The following FIGN variants were observed in gnomAD, a reference collection of about 807,000 sequenced individuals.
The protein encoded by FIGN is fidgetin, microtubule severing factor.
FIGN carries 11 observed loss-of-function variants against 51.3 expected under a neutral mutation model. That is an observed-to-expected ratio of 0.21 (90% confidence interval 0.13 to 0.35). The LOEUF (loss-of-function observed/expected upper bound fraction) is 0.35, where lower values mean the gene tolerates loss of function less well. Ranked by LOEUF, FIGN falls within the 10% of genes least tolerant of loss-of-function variation. The probability of loss-of-function intolerance (pLI) is 1.00; values close to 1 mark genes in which losing one functional copy is unlikely to be tolerated. For missense variants in FIGN, 857 were observed against 943.6 expected (o/e 0.91, Z 1.20); for synonymous variants, 407 against 363.2 (o/e 1.12, Z -1.37).
Position 163,614,518 on chromosome 2 carries a change from T to C in FIGN, c.26-2712A>G, listed in dbSNP as rs186033966. ...GGGAATTTCTATTATGGTTCTTTTC[T>C]TTAAAATATTATCAAAATACAGAGT... On this transcript the variant is annotated intron_variant, in intron 2 of 2. Transcript: ENST00000333129. Among the ~76,000 whole-genome samples the C allele has an allele frequency of 1.4e-4, 22 of 152,242 alleles. No individual in the cohort carries two copies. The East Asian group carries it at 3.1e-3, about 21-fold the overall frequency.
intron 2 of FIGN, among the ~76,000 whole-genome samples, chr2:163,675,026 G>A (rs1271595231): frequency 7.9e-5 from 12 of 152,170 alleles, no homozygotes; most frequent in Non-Finnish European, 1.6e-4. Flanking sequence ...TCACATTTAA[G>A]TCTTTATCTA....
intron 2 of FIGN, among the ~76,000 whole-genome samples, chr2:163,700,315 C>T (rs1487812697): frequency 1.3e-5 from 2 of 152,046 alleles, no homozygotes; most frequent in Non-Finnish European, 2.9e-5. Context: ...ATTTGGAAGG[C>T]TGTTAAGGGT....
intron 2 of FIGN, among the ~76,000 whole-genome samples, chr2:163,729,510 C>T (rs1467278267): frequency 6.6e-6 from 1 of 152,050 alleles, no homozygotes; most frequent in African/African-American, 2.4e-5. Context: ...TTAAAAGCTC[C>T]TCTTCCTATG....
In FIGN at chr2:163,694,126, T is replaced by G. The variant is rs1684279593; in HGVS notation, c.25+40777A>C. Among the ~76,000 whole-genome samples the G allele has an allele frequency of 2.0e-5, 3 of 152,266 alleles. No individual in the cohort carries two copies. The South Asian group carries it at 6.2e-4, about 32-fold the overall frequency. ...TCTGTAGGTCTAGGTTTGGTGGAGC[T>G]TTTTATTCTGATAGTGGAAGGAACT... On this transcript the variant is annotated intron_variant, in intron 2 of 2. Coordinates refer to ENST00000333129, the MANE Select transcript of FIGN (RefSeq NM_018086.4).
In FIGN at chr2:163,650,810, A is replaced by G. The variant is rs548175497; in HGVS notation, c.26-39004T>C. On this transcript the variant is annotated intron_variant, in intron 2 of 2. Transcript: ENST00000333129. ...GATACTACAGGGCTTTCCTGTGAACAATGTTCATGAGATTTAGTACATGTG... is the reference window on the plus strand; with the variant it reads ...GATACTACAGGGCTTTCCTGTGAACGATGTTCATGAGATTTAGTACATGTG... 3.9e-5 allele frequency among the ~76,000 whole-genome samples: 6 copies of G among 152,334 alleles called. No homozygotes were observed. The South Asian group carries it at 1.2e-3, about 32-fold the overall frequency.
chr2:163,638,567 G>T (rs923020193), intron 2 of FIGN, among the ~76,000 whole-genome samples: 3 of 152,102 alleles, frequency 2.0e-5, no homozygotes, highest in Non-Finnish European at 1.5e-5. Flanking sequence ...TAGAATGAAA[G>T]CATACACAGG....
intron 2 of FIGN, among the ~76,000 whole-genome samples, chr2:163,697,441 G>A (rs12692707): frequency 1 from 151,860 of 152,232 alleles, 75,752 homozygotes; most frequent in Middle Eastern, 1. Context: ...CCCCCAACCC[G>A]GAGTCACACC....
chr2:163,645,750 G>A (rs1037783202), intron 2 of FIGN, among the ~76,000 whole-genome samples: 1 of 152,166 alleles, frequency 6.6e-6, no homozygotes, highest in African/African-American at 2.4e-5. Context: ...AGCATTGTTT[G>A]CTTGGAATAT....
intron 2 of FIGN, among the ~76,000 whole-genome samples, chr2:163,617,995 A>T (rs1334627646): frequency 6.6e-6 from 1 of 152,186 alleles, no homozygotes; most frequent in Non-Finnish European, 1.5e-5. Context: ...AGAATTTATA[A>T]GTCAGTTTTC....
intron 2 of FIGN, among the ~76,000 whole-genome samples, chr2:163,662,206 A>G (rs1258348270): frequency 6.6e-6 from 1 of 152,158 alleles, no homozygotes; most frequent in African/African-American, 2.4e-5. Flanking sequence ...GAACTGGAGT[A>G]AAGGTGAATC....
chr2:163,623,084 G>A (rs896554377), intron 2 of FIGN, among the ~76,000 whole-genome samples: 19 of 152,146 alleles, frequency 1.2e-4, no homozygotes, highest in Admixed American at 2.6e-4. Context: ...TCAAATCTGG[G>A]TACCGATATG....
chr2:163,702,519 C>T (rs1313943688), intron 2 of FIGN, among the ~76,000 whole-genome samples: 1 of 152,002 alleles, frequency 6.6e-6, no homozygotes, highest in Non-Finnish European at 1.5e-5. Context: ...TGTAGTGGTA[C>T]CATTCCTGAT....
At chr2:163,677,785 GT>G (rs1683995162) in intron 2 of FIGN, among the ~76,000 whole-genome samples, 1 of 152,104 alleles carries the variant, frequency 6.6e-6, no homozygotes, top group Non-Finnish European at 1.5e-5. Flanking sequence ...TGTTGTCTTT[GT>G]TGAGCTAGGT....
chr2:163,699,315 A>G (rs1188547530), intron 2 of FIGN, among the ~76,000 whole-genome samples: 1 of 152,178 alleles, frequency 6.6e-6, no homozygotes, highest in Non-Finnish European at 1.5e-5. Context: ...TAGCTTTCAA[A>G]AAGCACAAAA....
At chr2:163,717,437 A>T (rs1050117280) in intron 2 of FIGN, among the ~76,000 whole-genome samples, 2 of 152,156 alleles carry the variant, frequency 1.3e-5, no homozygotes, top group Non-Finnish European at 2.9e-5. Flanking sequence ...TTGAAAACAT[A>T]TAAGCTTTTT....
chr2:163,683,295 T>C (rs1177486393), intron 2 of FIGN, among the ~76,000 whole-genome samples: 2 of 152,224 alleles, frequency 1.3e-5, no homozygotes, highest in Admixed American at 6.5e-5. Flanking sequence ...TAGAGTTTGA[T>C]TACAAAAATC....
At position 163,603,872 on chromosome 2, in the gene FIGN, A is replaced by T. The variant is rs2105293719; in HGVS notation, c.*5680T>A. 1 of 152,240 alleles carries T rather than the reference A, an allele frequency of 6.6e-6. No individual in the cohort carries two copies. The highest frequency in any genetic ancestry group is 1.9e-4 in the East Asian group (1 of 5,184). 9.4% of individuals were successfully genotyped at this position (152,240 alleles called of 1,614,324 possible). ...AAGAAAAAGAACGAATGCTAAAATAAATAGTATAATATAAAACACTTCATA... is the reference window on the plus strand; with the variant it reads ...AAGAAAAAGAACGAATGCTAAAATATATAGTATAATATAAAACACTTCATA... On this transcript the variant is annotated 3_prime_UTR_variant, in exon 3 of 3. Transcript: ENST00000333129.
intron 2 of FIGN, among the ~76,000 whole-genome samples, chr2:163,652,619 T>C (rs1230968752): frequency 6.6e-6 from 1 of 152,154 alleles, no homozygotes; most frequent in Non-Finnish European, 1.5e-5. Context: ...CAGCATATGT[T>C]CTGCTAAAGA....
intron 2 of FIGN, among the ~76,000 whole-genome samples, chr2:163,686,995 G>C (rs1684161499): frequency 6.7e-6 from 1 of 149,564 alleles, no homozygotes; most frequent in South Asian, 2.1e-4. Context: ...ATATTATGAT[G>C]TATGTGTGAG....
Sources: allele counts gnomAD v4.1 joint callset (sites outside exome capture counted in the v4.1 genomes callset), GRCh38; gene constraint gnomAD v4.1.1; transcripts MANE v1.5; gene names NCBI Gene and HGNC (gene_info 2026-07-23, HGNC 2026-07-21).